The following SEPTIN9 variants were observed in gnomAD, a reference collection of about 807,000 sequenced individuals.
SEPTIN9 encodes the protein septin 9.
In SEPTIN9, 13 loss-of-function variants were observed where a neutral mutation model predicts 56.6. The ratio of observed to expected loss-of-function variants is 0.23; its 90% confidence interval spans 0.15 to 0.37. The LOEUF is 0.37. Among genes scored for constraint, SEPTIN9 ranks in the 10% least tolerant of loss-of-function variants. The pLI is 1.00. For missense variants in SEPTIN9, 650 were observed against 823.1 expected (o/e 0.79, Z 2.57); for synonymous variants, 332 against 334.1 (o/e 0.99, Z 0.07).
At position 77,479,203 on chromosome 17, in the gene SEPTIN9, C is replaced by T. The variant is rs942615593; in HGVS notation, c.722-2941C>T. On this transcript the variant is annotated intron_variant, in intron 3 of 11. Coordinates refer to ENST00000427177, the MANE Select transcript of SEPTIN9 (RefSeq NM_001113491.2). ...AAAGTCACGTGGCCAGTGGCTACCA[C>T]GCTGAGCAGCGCAGGCCTCGGACGG... Among the ~76,000 whole-genome samples the T allele has an allele frequency of 9.2e-5, 14 of 152,372 alleles. No homozygotes were observed. The Middle Eastern group carries it at 0.01, about 111-fold the overall frequency.
intron 3 of SEPTIN9, among the ~76,000 whole-genome samples, chr17:77,413,517 C>T (rs1032970675): frequency 5.3e-5 from 8 of 152,192 alleles, no homozygotes; most frequent in African/African-American, 1.4e-4. Context: ...ATCGATCAGT[C>T]GGTGTGCAAA....
rs146495461 is a variant in SEPTIN9 at position 77,384,842 on chromosome 17, AACACACACACACACACAC to A, written c.77-17188_77-17171del. On this transcript the variant is annotated intron_variant, in intron 2 of 11. Transcript: ENST00000427177. Reference sequence around the variant, plus strand: ...CATCATCACTGTATGAACCTGTTTAAACACACACACACACACACACACACACACACACACACACACACA... The same window carrying A: ...CATCATCACTGTATGAACCTGTTTAAACACACACACACACACACACACACA... Among the ~76,000 whole-genome samples the A allele has an allele frequency of 1.3e-3, 184 of 142,256 alleles. 1 individual carries two copies. Among genetic ancestry groups the A allele is most frequent in the Non-Finnish European group, 2.3e-3 (149 of 65,620 alleles). 93.3% of individuals were successfully genotyped at this position (142,256 alleles called of 152,430 possible).
Position 77,435,511 on chromosome 17 carries a change from T to A in SEPTIN9, c.721+32808T>A, listed in dbSNP as rs1236307361. On this transcript the variant is annotated intron_variant, in intron 3 of 11. Transcript: ENST00000427177. This position sits in a 1 kb window ranked among gnomAD's most constrained non-coding sequence, Gnocchi z 4.5. The stretch of plus-strand genomic sequence containing the variant: ...TGCCGGGCGGGTCGTCGTGCCCCAG[T>A]GCCGCCTGCCCTACACCTGATTGGC... Among the ~76,000 whole-genome samples, 12 of 152,158 alleles carry A rather than the reference T, an allele frequency of 7.9e-5. No individual in the cohort carries two copies.
rs56004366 is a variant in SEPTIN9, at chr17:77,476,421, C to T, written c.722-5723C>T. On this transcript the variant is annotated intron_variant, in intron 3 of 11. Transcript: ENST00000427177. This position sits in a 1 kb window ranked among gnomAD's most constrained non-coding sequence, Gnocchi z 6.0. The stretch of plus-strand genomic sequence containing the variant: ...GACAGCAATCTGATTCCCTCATCCT[C>T]GGCAGGTCCTGGGGTTGGGGTAAGA... Among the ~76,000 whole-genome samples the T allele has an allele frequency of 8.8e-3, 1,333 of 152,322 alleles. 7 individuals are homozygous for T. Among genetic ancestry groups the T allele is most frequent in the South Asian group, 0.012 (60 of 4,826 alleles).
At chr17:77,419,716 A>C (rs1363947205) in intron 3 of SEPTIN9, 2 of 152,226 alleles carry the variant, frequency 1.3e-5, no homozygotes, top group African/African-American at 4.8e-5. Context: ...CTGATAGGAG[A>C]GGGCTGGGAT....
chr17:77,426,011 G>A (rs893998651), intron 3 of SEPTIN9, among the ~76,000 whole-genome samples: 35 of 152,256 alleles, frequency 2.3e-4, no homozygotes, highest in Admixed American at 1.8e-3. Context: ...GGAACAGTGG[G>A]TCAGGATGGC....
At chr17:77,285,884 A>G (rs2143485343) in intron 1 of SEPTIN9, among the ~76,000 whole-genome samples, 1 of 152,356 alleles carries the variant, frequency 6.6e-6, no homozygotes, top group African/African-American at 2.4e-5. Context: ...ACCCTCACCC[A>G]GCGCCCCGGG....
chr17:77,386,829 G>C (rs2035353108), intron 2 of SEPTIN9, among the ~76,000 whole-genome samples: 1 of 152,212 alleles, frequency 6.6e-6, no homozygotes, highest in Non-Finnish European at 1.5e-5. Context: ...TGGCTGTGCT[G>C]GGGGCACAGT....
At chr17:77,332,426 G>C (rs972912100) in intron 2 of SEPTIN9, among the ~76,000 whole-genome samples, 1 of 152,116 alleles carries the variant, frequency 6.6e-6, no homozygotes, top group Admixed American at 6.5e-5. Flanking sequence ...CGCTGGTTTT[G>C]ATGCACTTAA....
chr17:77,492,621 A>G lies in SEPTIN9; in HGVS notation c.1381A>G (p.Ile461Val). The G allele has an allele frequency of 6.2e-7, 1 of 1,613,896 alleles. No homozygotes were observed. The highest frequency in any genetic ancestry group is 8.5e-7 in the Non-Finnish European group (1 of 1,179,908). The part of the protein sequence containing the change: ...LEERVHFKQR[I>V]TADLLSNGID... ...CCATCTCTCTCCCTCCTTATCCCAG[A>G]TCACCGCAGACCTGCTGTCCAACGG... Residue 461 changes from isoleucine (I) to valine (V), a missense_variant and splice_region_variant, in exon 9 of 12, where the codon ATC becomes GTC. Physicochemically the swap from Ile to Val is conservative, Grantham distance 29. Around this residue, in one of 2 missense-constraint regions of SEPTIN9, gnomAD observed 333 missense variants for 494.0 expected, o/e 0.67. Coordinates refer to ENST00000427177, the MANE Select transcript of SEPTIN9 (RefSeq NM_001113491.2). The surrounding 1 kb of genome is among the most constrained non-coding windows in gnomAD (Gnocchi z 5.4).
chr17:77,454,829 T>G (rs1045042814), intron 3 of SEPTIN9, among the ~76,000 whole-genome samples: 24 of 152,348 alleles, frequency 1.6e-4, no homozygotes, highest in African/African-American at 5.5e-4. Flanking sequence ...TGAGCTGCTG[T>G]GGCCTGAGCT....
chr17:77,415,645 G>GA (rs75771886), intron 3 of SEPTIN9, among the ~76,000 whole-genome samples: 1 of 76,700 alleles, frequency 1.3e-5, no homozygotes, highest in Admixed American at 1.1e-4. Flanking sequence ...AAAAAAAAAA[G>GA]AAAAAAAAAG....
intron 2 of SEPTIN9, among the ~76,000 whole-genome samples, chr17:77,347,674 T>C (rs1338021996): frequency 1.3e-5 from 2 of 151,958 alleles, no homozygotes; most frequent in African/African-American, 4.8e-5. Context: ...GAGAAACTTA[T>C]GATGGTTTGA....
intron 1 of SEPTIN9, among the ~76,000 whole-genome samples, chr17:77,286,026 C>G (rs555817386): frequency 6.6e-6 from 1 of 152,266 alleles, no homozygotes; most frequent in Non-Finnish European, 1.5e-5. Flanking sequence ...GCCCCGTCTC[C>G]GCGCCTGTTC....
intron 2 of SEPTIN9, chr17:77,376,029 A>T: frequency 1.1e-6 from 1 of 888,898 alleles, no homozygotes; most frequent in Non-Finnish European, 1.3e-6. Context: ...TGATGTGGAC[A>T]GGCAGCTTCC....
chr17:77,305,784 G>A (rs1353955731), intron 1 of SEPTIN9, among the ~76,000 whole-genome samples: 1 of 151,384 alleles, frequency 6.6e-6, no homozygotes, highest in Non-Finnish European at 1.5e-5. Flanking sequence ...AAGGCCAGAT[G>A]GGCAGTTCAC....
intron 3 of SEPTIN9, among the ~76,000 whole-genome samples, chr17:77,452,202 C>G (rs2038004042): frequency 6.6e-6 from 1 of 152,228 alleles, no homozygotes; most frequent in Non-Finnish European, 1.5e-5. Context: ...GCGTGTCGGC[C>G]ATGCAGAGGC....
chr17:77,412,936 C>T (rs973872371), intron 3 of SEPTIN9, among the ~76,000 whole-genome samples: 3 of 152,138 alleles, frequency 2.0e-5, no homozygotes, highest in African/African-American at 7.2e-5. Context: ...GAAAGAATTT[C>T]ACCCACGTTT....
At chr17:77,384,854 C>T (rs1420453408) in intron 2 of SEPTIN9, among the ~76,000 whole-genome samples, 2 of 135,634 alleles carry the variant, frequency 1.5e-5, no homozygotes, top group Non-Finnish European at 3.3e-5. Flanking sequence ...CACACACACA[C>T]ACACACACAC....
Sources: allele counts gnomAD v4.1 joint callset (sites outside exome capture counted in the v4.1 genomes callset), GRCh38; gene constraint gnomAD v4.1.1; regional missense constraint gnomAD v4.1.1; non-coding constraint Gnocchi (gnomAD v3.1); transcripts MANE v1.5; gene names NCBI Gene and HGNC (gene_info 2026-07-23, HGNC 2026-07-21).